The following UNC5D variants were observed in gnomAD, a reference collection of about 807,000 sequenced individuals.
The protein encoded by UNC5D is unc-5 netrin receptor D.
Under a neutral mutation model 105.4 loss-of-function variants are expected in UNC5D, and 39 were observed. That is an observed-to-expected ratio of 0.37 (90% CI 0.29 to 0.48). The LOEUF is 0.48. Ranked by LOEUF, UNC5D falls within the 20% of genes least tolerant of loss-of-function variation. The pLI is 0.98. For synonymous variants in UNC5D, 452 were observed against 450.4 expected, an observed-to-expected ratio of 1.00 and a Z score of -0.04; for missense variants, 991 against 1,202.4, an observed-to-expected ratio of 0.82 and a Z score of 2.60.
chr8:35,404,695 C>T (rs948964940), intron 1 of UNC5D, among the ~76,000 whole-genome samples: 1 of 152,098 alleles, frequency 6.6e-6, no homozygotes, highest in Non-Finnish European at 1.5e-5. Context: ...TCAAGAGATT[C>T]TCCTGCCTCA....
intron 1 of UNC5D, among the ~76,000 whole-genome samples, chr8:35,336,790 T>G (rs1230478791): frequency 4.6e-5 from 1 of 21,912 alleles, no homozygotes; most frequent in Non-Finnish European, 3.6e-4. Context: ...AAGGAAATAG[T>G]GTTTTTTTTT....
chr8:35,451,123 A>T (rs1264415964), intron 1 of UNC5D, among the ~76,000 whole-genome samples: 1 of 150,242 alleles, frequency 6.7e-6, no homozygotes, highest in East Asian at 2.0e-4. Context: ...AGTTCACTGC[A>T]ACCTCTGCCT....
chr8:35,592,563 A>G (rs1395153218), intron 3 of UNC5D, among the ~76,000 whole-genome samples: 2 of 152,158 alleles, frequency 1.3e-5, no homozygotes, highest in African/African-American at 4.8e-5. Context: ...GTTTATTTCC[A>G]TCATGTCTAC....
chr8:35,585,604 A>G (rs1274810912), intron 3 of UNC5D, among the ~76,000 whole-genome samples: 3 of 151,954 alleles, frequency 2.0e-5, no homozygotes, highest in African/African-American at 4.8e-5. Context: ...AACAGAACCA[A>G]TGAAAAGTTT....
At chr8:35,411,805 T>A (rs1308079603) in intron 1 of UNC5D, among the ~76,000 whole-genome samples, 1 of 152,018 alleles carries the variant, frequency 6.6e-6, no homozygotes, top group African/African-American at 2.4e-5. Context: ...TTTTTATCAA[T>A]GTTTATCGGA....
Position 35,635,390 on chromosome 8 carries a change from C to T in UNC5D, c.570+39733C>T, listed in dbSNP as rs148023118. On this transcript the variant is annotated intron_variant, in intron 4 of 16. Transcript: ENST00000404895. ...AAGGGATGCACGTTTTGTCTTAACC[C>T]GTTAAGTGTTTGTCATCTGCTTTTC... Among the ~76,000 whole-genome samples, 500 of 152,284 alleles carry T rather than the reference C, an allele frequency of 3.3e-3. 6 individuals carry two copies. The highest frequency in any genetic ancestry group is 0.011 in the African/African-American group (462 of 41,574).
intron 1 of UNC5D, among the ~76,000 whole-genome samples, chr8:35,395,668 G>T (rs1399882683): frequency 1.3e-5 from 2 of 152,100 alleles, no homozygotes; most frequent in Admixed American, 1.3e-4. Flanking sequence ...TTTAGTGCTG[G>T]CTCATTTCCA....
Position 35,573,347 on chromosome 8 carries a change from G to A in UNC5D, c.466+5106G>A, listed in dbSNP as rs1327295256. On this transcript the variant is annotated intron_variant, in intron 3 of 16. Coordinates refer to ENST00000404895, the MANE Select transcript of UNC5D (RefSeq NM_080872.4). The stretch of plus-strand genomic sequence containing the variant: ...AGTCATGGCTACTCAGGAGGCTGAG[G>A]CAGGAGGATCACTTGAGCCTAGGAG... 7.9e-5 allele frequency among the ~76,000 whole-genome samples: 12 copies of A among 152,150 alleles called. 1 individual carries two copies. The highest frequency in any genetic ancestry group is 5.9e-4 in the Admixed American group (9 of 15,270).
chr8:35,646,639 G>A (rs1026287055), intron 4 of UNC5D, among the ~76,000 whole-genome samples: 2 of 152,004 alleles, frequency 1.3e-5, no homozygotes, highest in African/African-American at 4.8e-5. Flanking sequence ...CTATGCTCCA[G>A]ACACGGGTAT....
At position 35,271,504 on chromosome 8, in the gene UNC5D, C is replaced by T. The variant is rs184081895; in HGVS notation, c.103+35617C>T. Among the ~76,000 whole-genome samples the T allele has an allele frequency of 9.3e-4, 133 of 143,284 alleles. 1 individual carries two copies. Among genetic ancestry groups the T allele is most frequent in the Non-Finnish European group, 1.1e-3 (75 of 65,276 alleles). 94.0% of individuals were successfully genotyped at this position (143,284 alleles called of 152,430 possible). A position where few individuals can be genotyped will look rare whatever the true frequency, so the allele number is the denominator to read the frequency against. The stretch of plus-strand genomic sequence containing the variant: ...ATACAGGTACCTATATTTAGGTCTA[C>T]ATATGTATACATATATGTATACAGG... On this transcript the variant is annotated intron_variant, in intron 1 of 16. Transcript: ENST00000404895.
At chr8:35,261,725 T>C (rs1804512227) in intron 1 of UNC5D, among the ~76,000 whole-genome samples, 1 of 152,196 alleles carries the variant, frequency 6.6e-6, no homozygotes, top group Non-Finnish European at 1.5e-5. Context: ...AAAATGGTTT[T>C]CAGGCATATG....
chr8:35,696,894 T>C (rs1020737021), intron 7 of UNC5D, among the ~76,000 whole-genome samples: 3 of 152,096 alleles, frequency 2.0e-5, no homozygotes, highest in Non-Finnish European at 4.4e-5. Context: ...TTCAGTGGAA[T>C]GGAAAATTGC....
At chr8:35,462,486 T>C (rs1808972542) in intron 1 of UNC5D, among the ~76,000 whole-genome samples, 1 of 152,176 alleles carries the variant, frequency 6.6e-6, no homozygotes, top group South Asian at 2.1e-4. Context: ...ATGCATCATT[T>C]TAAACTTGAA....
At chr8:35,260,340 A>G (rs1011883538) in intron 1 of UNC5D, among the ~76,000 whole-genome samples, 1 of 152,194 alleles carries the variant, frequency 6.6e-6, no homozygotes, top group African/African-American at 2.4e-5. Context: ...ACAAGCAGCT[A>G]TAGAAAAGAT....
intron 16 of UNC5D, among the ~76,000 whole-genome samples, chr8:35,786,386 T>G (rs1334852483): frequency 2.0e-5 from 3 of 152,176 alleles, no homozygotes; most frequent in African/African-American, 7.2e-5. Flanking sequence ...TTTTGATCAT[T>G]TAGCTTCGTT....
intron 1 of UNC5D, among the ~76,000 whole-genome samples, chr8:35,434,475 A>G (rs1186080721): frequency 1.3e-5 from 2 of 152,050 alleles, no homozygotes; most frequent in Non-Finnish European, 2.9e-5. Context: ...TAAACTTCTC[A>G]CCTGGAAATG....
At chr8:35,288,670 A>G (rs1227218905) in intron 1 of UNC5D, among the ~76,000 whole-genome samples, 1 of 152,230 alleles carries the variant, frequency 6.6e-6, no homozygotes, top group Non-Finnish European at 1.5e-5. Context: ...TTGTTGAGAT[A>G]GAAATTACAA....
At chr8:35,717,334 G>T (rs1294242375) in intron 8 of UNC5D, among the ~76,000 whole-genome samples, 1 of 152,172 alleles carries the variant, frequency 6.6e-6, no homozygotes, top group Non-Finnish European at 1.5e-5. Context: ...CCATTAGTAA[G>T]TGGCTGGCAT....
chr8:35,788,287 G>A (rs1182686934), intron 16 of UNC5D, among the ~76,000 whole-genome samples: 1 of 152,042 alleles, frequency 6.6e-6, no homozygotes, highest in East Asian at 1.9e-4. Flanking sequence ...CTCTACATCA[G>A]TCGTCTTTGT....
Sources: gnomAD v4.1 joint callset for allele counts (sites outside exome capture counted in the v4.1 genomes callset) on GRCh38, gnomAD v4.1.1 for gene constraint, MANE v1.5 for transcripts, NCBI Gene and HGNC (gene_info 2026-07-23, HGNC 2026-07-21) for gene names.